Variants in LPIN3 observed in about 807,000 individuals in gnomAD.
LPIN3 encodes lipin 3.
In LPIN3, 82 loss-of-function variants were observed where a neutral mutation model predicts 94.7. The ratio of observed to expected loss-of-function variants is 0.87; its 90% CI spans 0.72 to 1.04. The LOEUF (loss-of-function observed/expected upper bound fraction) is 1.04, where lower values mean the gene tolerates loss of function less well. LPIN3 is among the 50% of genes least tolerant of loss of function. The pLI is 0.00. For missense variants in LPIN3, 996 were observed against 1,090.5 expected (o/e 0.91, Z 1.22); for synonymous variants, 418 against 443.3 (o/e 0.94, Z 0.72).
Position 41,351,867 on chromosome 20 carries a change from G to T in LPIN3, c.1149G>T (p.Leu383=). The change falls in exon 8 of 20, where the codon CTG becomes CTT. Residue 383 remains leucine, a synonymous_variant. Coordinates refer to ENST00000373257, the MANE Select transcript of LPIN3 (RefSeq NM_022896.3). The stretch of plus-strand genomic sequence containing the variant: ...ACCTGGGCCCCAGTGACATCTACCT[G>T]GATGACTTGCCCTCCCTGGACTCTG... ...SQHLGPSDIY[L]DDLPSLDSEN... is the part of the protein sequence containing the mutation. 6.2e-6 allele frequency: 10 copies of T among 1,614,198 alleles called. No individual in the cohort carries two copies. The highest frequency in any genetic ancestry group is 8.5e-6 in the Non-Finnish European group (10 of 1,180,030).
chr20:41,349,810 C>T lies in LPIN3; in HGVS notation c.675C>T (p.Asp225=), dbSNP rs1420824025. 3.7e-6 allele frequency: 6 copies of T among 1,613,704 alleles called. No homozygotes were observed. The South Asian group carries it at 6.6e-5, about 18-fold the overall frequency. The part of the protein sequence containing the change: ...SAGELTSPKS[D]SELEVRTPEP... ...GTGAGCTAACATCCCCTAAGAGCGACTCGGAGCTGGAGGTGCGGACCCCGG... is the reference window on the plus strand; with the variant it reads ...GTGAGCTAACATCCCCTAAGAGCGATTCGGAGCTGGAGGTGCGGACCCCGG... The change falls in exon 6 of 20, where the codon GAC becomes GAT. Residue 225 remains aspartate (D), a synonymous_variant. Coordinates refer to ENST00000373257, the MANE Select transcript of LPIN3 (RefSeq NM_022896.3).
At chr20:41,344,524 G>T (rs954650965) in intron 1 of LPIN3, among the ~76,000 whole-genome samples, 3 of 152,236 alleles carry the variant, frequency 2.0e-5, no homozygotes, top group Admixed American at 6.5e-5. Context: ...GTAGAGATAG[G>T]ACAGTCTGGG....
chr20:41,341,904 C>G (rs4812496), intron 1 of LPIN3, among the ~76,000 whole-genome samples: 81,593 of 152,066 alleles, frequency 0.54, 23,646 homozygotes, highest in East Asian at 0.83. Flanking sequence ...TTGAACCCAG[C>G]AGGCGGAGCT....
In LPIN3 at chr20:41,351,773, C is replaced by T. The variant is rs780303333; in HGVS notation, c.1103-48C>T. 5.7e-6 allele frequency: 9 copies of T among 1,571,986 alleles called. No homozygotes were observed. The Admixed American group carries it at 1.5e-4, about 26-fold the overall frequency. On this transcript the variant is annotated intron_variant, in intron 7 of 19. Coordinates refer to ENST00000373257, the MANE Select transcript of LPIN3 (RefSeq NM_022896.3). ...AGTCAGAGGGCACTTACTGTCCACA[C>T]TGCTGAGCACATGTCAGCTCTACAG...
chr20:41,359,093 T>C lies in LPIN3; in HGVS notation c.*227T>C. ...TCAGTGTGGCACTGTCCTGGGGCAA[T>C]TAGCTTGTCATCTGGGCCCTTGCAG... On this transcript the variant is annotated 3_prime_UTR_variant, in exon 20 of 20. Transcript: ENST00000373257. 2.4e-6 allele frequency: 1 copy of C among 419,674 alleles called. No individual in the cohort carries two copies. Among genetic ancestry groups the C allele is most frequent in the Non-Finnish European group, 4.2e-6 (1 of 239,374 alleles). The allele number at this position is 419,674 out of a possible 1,614,324, so 26.0% of individuals were successfully genotyped here.
chr20:41,358,664 G>A, intron 19 of LPIN3, 58 bp from the exon 20 acceptor site: 4 of 1,606,958 alleles, frequency 2.5e-6, no homozygotes, highest in Non-Finnish European at 3.4e-6. Context: ...CAGACCCATG[G>A]CCAAGGCCAT....
chr20:41,348,321 A>C (rs2045861859), intron 3 of LPIN3, among the ~76,000 whole-genome samples: 1 of 152,222 alleles, frequency 6.6e-6, no homozygotes, highest in African/African-American at 2.4e-5. Flanking sequence ...AGGAGGAGAC[A>C]TATGGCTGAA....
intron 11 of LPIN3, among the ~76,000 whole-genome samples, chr20:41,354,105 A>G (rs1265105974): frequency 6.6e-6 from 1 of 152,196 alleles, no homozygotes; most frequent in African/African-American, 2.4e-5. Flanking sequence ...GGGGTTATCT[A>G]TAATAGCATA....
intron 1 of LPIN3, among the ~76,000 whole-genome samples, chr20:41,344,566 G>A (rs951466294): frequency 5.3e-5 from 8 of 152,226 alleles, no homozygotes; most frequent in Non-Finnish European, 7.3e-5. Context: ...CAGGCCACTG[G>A]CCTGGCCAGG....
At position 41,349,836 on chromosome 20, in the gene LPIN3, A is replaced by G; in HGVS notation, c.701A>G (p.Glu234Gly). ...TCGGAGCTGGAGGTGCGGACCCCGGAGCCCAGTCCCCTAAGAGCCGAGTCC... is the reference window on the plus strand; with the variant it reads ...TCGGAGCTGGAGGTGCGGACCCCGGGGCCCAGTCCCCTAAGAGCCGAGTCC... ...SDSELEVRTP[E>G]PSPLRAESHM... The change falls in exon 6 of 20, where the codon GAG becomes GGG. Residue 234 changes from glutamate (E) to glycine (G), a missense_variant. Coordinates refer to ENST00000373257, the MANE Select transcript of LPIN3 (RefSeq NM_022896.3). 1 of 1,613,598 alleles carries G rather than the reference A, an allele frequency of 6.2e-7. No homozygotes were observed. The highest frequency in any genetic ancestry group is 8.5e-7 in the Non-Finnish European group (1 of 1,180,020).
Position 41,350,336 on chromosome 20 carries a change from C to G in LPIN3, c.1041C>G (p.Ser347Arg), listed in dbSNP as rs2045963428. 1 of 1,606,800 alleles carries G rather than the reference C, an allele frequency of 6.2e-7. No homozygotes were observed. The highest frequency in any genetic ancestry group is 8.5e-7 in the Non-Finnish European group (1 of 1,175,014). ...MGLPPASKSW[S>R]WATLEVPVPT... is the part of the protein sequence containing the mutation. ...TCCCTCCTGCCTCCAAGTCATGGAG[C>G]TGGGCCACTCTGGAGGTTCCAGTTC... The change falls in exon 7 of 20, where the codon AGC becomes AGG. Residue 347 changes from serine to arginine, a missense_variant. Physicochemically the swap from Ser to Arg is moderately radical, Grantham distance 110. Transcript: ENST00000373257.
In LPIN3 at chr20:41,354,574, CCCAAGA is replaced by C. The variant is rs2046140071; in HGVS notation, c.1528-70_1528-65del. 16 of 1,445,258 alleles carry C rather than the reference CCCAAGA, an allele frequency of 1.1e-5. 1 individual carries two copies. In the South Asian group the frequency reaches 2.3e-4, roughly 20 times the overall value. 89.5% of individuals were successfully genotyped at this position (1,445,258 alleles called of 1,614,324 possible). A position where few individuals can be genotyped will look rare whatever the true frequency, so the allele number is the denominator to read the frequency against. ...GACTCTGGGCTCATGCGTGGAGGGT[CCCAAGA>C]ACAACGTAAGGTAGGAGGTTTATGT... On this transcript the variant is annotated intron_variant, in intron 11 of 19. Transcript: ENST00000373257.
At chr20:41,358,175 C>T (rs144620019) in intron 17 of LPIN3, 62 bp from the exon 18 acceptor site, 280 of 1,586,882 alleles carry the variant, frequency 1.8e-4, no homozygotes, top group Non-Finnish European at 2.3e-4. Context: ...CTGAGCCTGC[C>T]ATCCCCTCTG....
At chr20:41,348,980 CCT>C (rs1473600558) in intron 4 of LPIN3, 93 bp downstream of exon 4, 2 of 1,573,844 alleles carry the variant, frequency 1.3e-6, no homozygotes, top group African/African-American at 2.7e-5. Context: ...AGGGCCTTGA[CCT>C]CTCTGAGCAG....
rs150706017 is a variant in LPIN3, at chr20:41,348,249, G to A, written c.289-370G>A. On this transcript the variant is annotated intron_variant, in intron 3 of 19. Coordinates refer to ENST00000373257, the MANE Select transcript of LPIN3 (RefSeq NM_022896.3). Reference sequence around the variant, plus strand: ...ACACATAAACAATGGATGATGAGCCGTTTGGTCATTGCAGTGAGGGATGTT... The same window carrying A: ...ACACATAAACAATGGATGATGAGCCATTTGGTCATTGCAGTGAGGGATGTT... Among the ~76,000 whole-genome samples, 645 of 152,344 alleles carry A rather than the reference G, an allele frequency of 4.2e-3. 3 individuals carry two copies. The highest frequency in any genetic ancestry group is 5.7e-3 in the Non-Finnish European group (385 of 68,032).
At chr20:41,351,517 G>C (rs1222897514) in intron 7 of LPIN3, among the ~76,000 whole-genome samples, 2 of 151,736 alleles carry the variant, frequency 1.3e-5, no homozygotes, top group Non-Finnish European at 1.5e-5. Context: ...GGATGGTCTC[G>C]ATCCCCTGAC....
At chr20:41,346,778 T>C (rs1437030419) in intron 2 of LPIN3, among the ~76,000 whole-genome samples, 4 of 152,068 alleles carry the variant, frequency 2.6e-5, no homozygotes, top group Non-Finnish European at 4.4e-5. Context: ...AATAAATAAA[T>C]CCATTCCACC....
chr20:41,352,520 C>A, intron 9 of LPIN3, 86 bp from the exon 10 acceptor site: 3 of 1,206,152 alleles, frequency 2.5e-6, no homozygotes, highest in South Asian at 1.3e-5. Context: ...AGGAGGTGAG[C>A]AGCAGAGTGG....
At chr20:41,342,080 G>A (rs2045603191) in intron 1 of LPIN3, among the ~76,000 whole-genome samples, 1 of 152,200 alleles carries the variant, frequency 6.6e-6, no homozygotes, top group Non-Finnish European at 1.5e-5. Flanking sequence ...GCATGAGTGG[G>A]GCTGTCATGA....
Sources: gnomAD v4.1 joint callset for allele counts (sites outside exome capture counted in the v4.1 genomes callset) on GRCh38, gnomAD v4.1.1 for gene constraint, MANE v1.5 for transcripts, NCBI Gene and HGNC (gene_info 2026-07-23, HGNC 2026-07-21) for gene names.